KCNMA1: variants seen among roughly 807,000 people sequenced by gnomAD.
The protein encoded by KCNMA1 is Calcium-activated potassium channel subunit alpha-1.
KCNMA1 carries 29 observed loss-of-function variants against 140.0 expected under a neutral mutation model. That is an observed-to-expected ratio of 0.21 (90% CI 0.15 to 0.28). The LOEUF is 0.28. Ranked by LOEUF, KCNMA1 falls within the 10% of genes least tolerant of loss-of-function variation. The pLI, the probability that KCNMA1 is intolerant of heterozygous loss-of-function variation, is 1.00. For synonymous variants in KCNMA1, 612 were observed against 611.9 expected, an observed-to-expected ratio of 1.00 and a Z score of 0.00; for missense variants, 880 against 1,602.2, an observed-to-expected ratio of 0.55 and a Z score of 7.70.
intron 5 of KCNMA1, among the ~76,000 whole-genome samples, chr10:77,135,135 C>T (rs1325521450): frequency 6.8e-6 from 1 of 147,910 alleles, no homozygotes; most frequent in Non-Finnish European, 1.5e-5. Flanking sequence ...ATAGAGAACA[C>T]ATCTCAATAG....
intron 1 of KCNMA1, among the ~76,000 whole-genome samples, chr10:77,532,230 C>T (rs1201653975): frequency 1.3e-5 from 2 of 152,200 alleles, no homozygotes; most frequent in Non-Finnish European, 2.9e-5. Flanking sequence ...CCGTGTGTCA[C>T]GCAATATGCC....
chr10:77,384,916 G>T (rs1397972016), intron 2 of KCNMA1, among the ~76,000 whole-genome samples: 1 of 152,096 alleles, frequency 6.6e-6, no homozygotes, highest in East Asian at 1.9e-4. Context: ...AAACAGCCTG[G>T]GTCATCGAGT....
intron 19 of KCNMA1, among the ~76,000 whole-genome samples, chr10:76,997,724 GC>G (rs2084852974): frequency 6.6e-6 from 1 of 152,172 alleles, no homozygotes; most frequent in African/African-American, 2.4e-5. Flanking sequence ...TGTGTATGTT[GC>G]TAGACATTCA....
At position 76,889,482 on chromosome 10, in the gene KCNMA1, G is replaced by A. The variant is rs750255889; in HGVS notation, c.3430C>T (p.His1144Tyr). Residue 1144 changes from histidine (H) to tyrosine (Y), a missense_variant, in exon 27 of 28, where the codon CAC (histidine) becomes TAC (tyrosine). Transcript: ENST00000286628. ...GTGCACTGACTGGGGGTGCTGAGGT[G>A]AGCATCTCTCAGCCGGTAAATTCCA... ...CFGIYRLRDA[H>Y]LSTPSQCTKR... 3 of 1,613,470 alleles carry A rather than the reference G, an allele frequency of 1.9e-6. No homozygotes were observed. The highest frequency in any genetic ancestry group is 2.5e-6 in the Non-Finnish European group (3 of 1,179,444).
chr10:77,070,685 A>G (rs1203815990), intron 14 of KCNMA1, among the ~76,000 whole-genome samples: 2 of 151,474 alleles, frequency 1.3e-5, no homozygotes, highest in Non-Finnish European at 2.9e-5. Flanking sequence ...CCTACCCCCC[A>G]CCCCCAACAA....
intron 1 of KCNMA1, among the ~76,000 whole-genome samples, chr10:77,438,438 C>T (rs1488527802): frequency 6.6e-6 from 1 of 151,876 alleles, no homozygotes; most frequent in Non-Finnish European, 1.5e-5. Flanking sequence ...TGGTGCATGC[C>T]TATAATCCCA....
At chr10:77,036,885 G>T (rs2094370961) in intron 15 of KCNMA1, among the ~76,000 whole-genome samples, 2 of 152,136 alleles carry the variant, frequency 1.3e-5, no homozygotes, top group South Asian at 4.1e-4. Flanking sequence ...CTTGAGGAGA[G>T]CTTCAATGTT....
Position 76,897,446 on chromosome 10 carries a change from G to A in KCNMA1, c.3148-5727C>T, listed in dbSNP as rs2043073809. Among the ~76,000 whole-genome samples the A allele has an allele frequency of 2.0e-5, 3 of 152,050 alleles. No homozygotes were observed. The South Asian group carries it at 6.2e-4, about 32-fold the overall frequency. On this transcript the variant is annotated intron_variant, in intron 25 of 27. Transcript: ENST00000286628. ...CTAGGCTGAAGCTTCTCTAGAAAAT[G>A]TAAGAGGAATGTCAAAGGAATTTTG...
At chr10:77,053,559 C>A (rs561531057) in intron 14 of KCNMA1, among the ~76,000 whole-genome samples, 1 of 152,308 alleles carries the variant, frequency 6.6e-6, no homozygotes, top group South Asian at 2.1e-4. Context: ...GACTCCGTAT[C>A]TCACCACAAA....
At chr10:77,375,252 C>T (rs770570056) in intron 2 of KCNMA1, among the ~76,000 whole-genome samples, 4 of 152,122 alleles carry the variant, frequency 2.6e-5, no homozygotes, top group African/African-American at 4.8e-5. Context: ...GGTCCTGCTC[C>T]TGTTGGCTCT....
chr10:77,164,063 C>T (rs530450204), intron 5 of KCNMA1, among the ~76,000 whole-genome samples: 10 of 152,270 alleles, frequency 6.6e-5, no homozygotes, highest in Non-Finnish European at 1.0e-4. Context: ...CTCAAGCCTC[C>T]CAGCTCGGCA....
rs116546702 is a variant in KCNMA1 at position 77,137,652 on chromosome 10, G to A, written c.809-16604C>T. Among the ~76,000 whole-genome samples, 752 of 152,240 alleles carry A rather than the reference G, an allele frequency of 4.9e-3. 4 individuals carry two copies. Among genetic ancestry groups the A allele is most frequent in the African/African-American group, 0.018 (736 of 41,540 alleles). ...CCAGCTGGAGAAAAAGGACTGTCTC[G>A]CTTCCTCTCAAATGCCCCTGGGCTT... On this transcript the variant is annotated intron_variant, in intron 5 of 27. Coordinates refer to ENST00000286628, the MANE Select transcript of KCNMA1 (RefSeq NM_001161352.2).
intron 2 of KCNMA1, among the ~76,000 whole-genome samples, chr10:77,270,806 GA>G (rs1292689081): frequency 2.6e-5 from 4 of 151,888 alleles, no homozygotes; most frequent in Non-Finnish European, 5.9e-5. Flanking sequence ...GCTCTTTTTA[GA>G]GGCTTGAGGG....
intron 5 of KCNMA1, among the ~76,000 whole-genome samples, chr10:77,158,300 G>T (rs2098512323): frequency 6.6e-6 from 1 of 152,138 alleles, no homozygotes; most frequent in South Asian, 2.1e-4. Flanking sequence ...TAGACCCTTT[G>T]ATCCTCACAG....
chr10:76,950,496 T>A (rs1319279415), intron 21 of KCNMA1, among the ~76,000 whole-genome samples: 1 of 152,196 alleles, frequency 6.6e-6, no homozygotes, highest in East Asian at 1.9e-4. Flanking sequence ...TTCACTGAGC[T>A]AGTGAAGCCA....
At chr10:77,348,012 GTTGCATCAAAACT>G (rs1311816247) in intron 2 of KCNMA1, among the ~76,000 whole-genome samples, 10 of 152,166 alleles carry the variant, frequency 6.6e-5, no homozygotes, top group Non-Finnish European at 1.5e-4. Context: ...GATTCACATG[GTTGCATCAAAACT>G]TTATTGAAAG....
At chr10:77,553,046 A>AAAAAC (rs1242558426) in intron 1 of KCNMA1, among the ~76,000 whole-genome samples, 2 of 152,120 alleles carry the variant, frequency 1.3e-5, no homozygotes, top group African/African-American at 2.4e-5. Flanking sequence ...CAAAAAAACA[A>AAAAAC]AAAACAAAAC....
At chr10:77,584,835 C>G (rs2076824174) in intron 1 of KCNMA1, among the ~76,000 whole-genome samples, 1 of 152,196 alleles carries the variant, frequency 6.6e-6, no homozygotes, top group Non-Finnish European at 1.5e-5. Context: ...TAAGAAGTCT[C>G]ACAGAGAACC....
intron 15 of KCNMA1, among the ~76,000 whole-genome samples, chr10:77,036,797 G>C (rs1401956939): frequency 6.6e-6 from 1 of 152,120 alleles, no homozygotes; most frequent in African/African-American, 2.4e-5. Flanking sequence ...TCATTAAACT[G>C]CTGGTAACTT....
Sources: allele counts gnomAD v4.1 joint callset (sites outside exome capture counted in the v4.1 genomes callset), GRCh38; gene constraint gnomAD v4.1.1; transcripts MANE v1.5; gene names NCBI Gene and HGNC (gene_info 2026-07-23, HGNC 2026-07-21).